The following TBC1D23 variants were observed in gnomAD, a reference collection of about 807,000 sequenced individuals.
TBC1D23 encodes HCV non-structural protein 4A-transactivated protein 1.
In TBC1D23, 55 loss-of-function variants were observed where a neutral mutation model predicts 91.4. The observed-to-expected ratio is 0.60, with a 90% confidence interval of 0.48 to 0.75. The LOEUF (loss-of-function observed/expected upper bound fraction) is 0.75. TBC1D23 is among the 30% of genes least tolerant of loss of function. TBC1D23 has a pLI of 0.00. For synonymous variants in TBC1D23, 289 were observed against 281.0 expected, an observed-to-expected ratio of 1.03 and a Z score of -0.28; for missense variants, 725 against 836.1, an observed-to-expected ratio of 0.87 and a Z score of 1.64.
chr3:100,293,784 A>G (rs751180745), intron 5 of TBC1D23, among the ~76,000 whole-genome samples: 6 of 152,208 alleles, frequency 3.9e-5, no homozygotes, highest in Non-Finnish European at 8.8e-5. Context: ...TTGAGAAAGT[A>G]AAGTAATCCA....
intron 9 of TBC1D23, 52 bp downstream of exon 9, chr3:100,298,097 G>A: frequency 1.3e-6 from 2 of 1,525,310 alleles, no homozygotes; most frequent in South Asian, 1.2e-5. Context: ...TAAATACAAG[G>A]AACCAACTTC....
At position 100,276,120 on chromosome 3, in the gene TBC1D23, C is replaced by T. The variant is rs551161252; in HGVS notation, c.54-3529C>T. Among the ~76,000 whole-genome samples the T allele has an allele frequency of 1.7e-4, 26 of 150,822 alleles. No individual in the cohort carries two copies. In the East Asian group the frequency reaches 4.9e-3, roughly 28 times the overall value. ...AAAAAAAAGGAGATGAACTAAGTCT[C>T]GTTTCTTGTTTTCATGCCCTGTTTG... On this transcript the variant is annotated intron_variant, in intron 1 of 18. Transcript: ENST00000394144.
At chr3:100,313,068 C>A (rs1280801754) in intron 15 of TBC1D23, among the ~76,000 whole-genome samples, 1 of 151,760 alleles carries the variant, frequency 6.6e-6, no homozygotes, top group Non-Finnish European at 1.5e-5. Context: ...AACTTATCTT[C>A]TAAGAGTTTT....
intron 1 of TBC1D23, among the ~76,000 whole-genome samples, chr3:100,273,879 TA>T (rs2148851335): frequency 6.6e-6 from 1 of 152,262 alleles, no homozygotes; most frequent in East Asian, 1.9e-4. Flanking sequence ...GATGGAAGCC[TA>T]AAAACTATGA....
At chr3:100,284,635 G>C (rs538715131) in intron 4 of TBC1D23, among the ~76,000 whole-genome samples, 97 of 152,244 alleles carry the variant, frequency 6.4e-4, no homozygotes, top group Non-Finnish European at 1.3e-3. Context: ...TTTGAGACCA[G>C]ACAGATGTGC....
intron 13 of TBC1D23, among the ~76,000 whole-genome samples, chr3:100,308,530 A>C (rs1321116144): frequency 4.6e-5 from 7 of 152,232 alleles, no homozygotes; most frequent in Non-Finnish European, 1.0e-4. Context: ...ATCATATGTA[A>C]ATAAGAAAAG....
At chr3:100,313,304 G>GTAGA (rs1559814919) in intron 15 of TBC1D23, among the ~76,000 whole-genome samples, 1 of 151,940 alleles carries the variant, frequency 6.6e-6, no homozygotes, top group East Asian at 1.9e-4. Context: ...TGATCCACAG[G>GTAGA]TAGATATATT....
chr3:100,314,398 ACC>A (rs1705693528), intron 15 of TBC1D23, among the ~76,000 whole-genome samples: 1 of 151,878 alleles, frequency 6.6e-6, no homozygotes, highest in South Asian at 2.1e-4. Flanking sequence ...AGCCACTGTA[ACC>A]GGCACAAAAA....
chr3:100,272,522 G>T (rs2148850615), intron 1 of TBC1D23, among the ~76,000 whole-genome samples: 1 of 152,282 alleles, frequency 6.6e-6, no homozygotes, highest in African/African-American at 2.4e-5. Context: ...CTCCACACCT[G>T]TGGGTGTTTC....
At chr3:100,323,299 T>G (rs1436049863) in intron 18 of TBC1D23, among the ~76,000 whole-genome samples, 1 of 152,242 alleles carries the variant, frequency 6.6e-6, no homozygotes, top group Non-Finnish European at 1.5e-5. Flanking sequence ...TTGTGTTTTA[T>G]CTAGCTATTA....
intron 1 of TBC1D23, among the ~76,000 whole-genome samples, chr3:100,272,942 A>G (rs1043268357): frequency 2.0e-5 from 3 of 152,116 alleles, no homozygotes; most frequent in Admixed American, 1.3e-4. Flanking sequence ...GAGACATTCC[A>G]TTGCCCAGGG....
intron 4 of TBC1D23, among the ~76,000 whole-genome samples, chr3:100,290,218 C>G (rs2067777733): frequency 6.6e-6 from 1 of 152,176 alleles, no homozygotes; most frequent in Non-Finnish European, 1.5e-5. Flanking sequence ...TAACCTGAAG[C>G]CTAGTTTCTA....
At chr3:100,304,748 G>A (rs2148866080) in intron 11 of TBC1D23, 98 bp from the exon 12 acceptor site, 1 of 677,130 alleles carries the variant, frequency 1.5e-6, no homozygotes, top group African/African-American at 1.8e-5. Flanking sequence ...GTAATTTAAT[G>A]TATCACTTGG....
chr3:100,301,992 A>T (rs542458812), intron 10 of TBC1D23, 75 bp from the exon 11 acceptor site: 58 of 1,194,990 alleles, frequency 4.9e-5, no homozygotes, highest in African/African-American at 3.5e-4. Flanking sequence ...GGTTTTTCCT[A>T]AAAAAAATTT....
intron 11 of TBC1D23, among the ~76,000 whole-genome samples, chr3:100,303,950 G>T (rs541381784): frequency 6.6e-6 from 1 of 151,996 alleles, no homozygotes; most frequent in South Asian, 2.1e-4. Context: ...TTGAAAAGTA[G>T]GGAGAACTGA....
chr3:100,309,820 A>C (rs1705591538), intron 13 of TBC1D23, among the ~76,000 whole-genome samples: 1 of 146,184 alleles, frequency 6.8e-6, no homozygotes, highest in Non-Finnish European at 1.5e-5. Flanking sequence ...CATGTTGGCC[A>C]GTCTGGTCTT....
intron 5 of TBC1D23, among the ~76,000 whole-genome samples, chr3:100,291,902 A>T (rs141570393): frequency 0.02 from 2,966 of 147,338 alleles, 99 homozygotes; most frequent in Admixed American, 0.082. Context: ...AGTAGCTTGG[A>T]TTACAGGTGC....
chr3:100,299,439 AG>A, intron 10 of TBC1D23, 108 bp downstream of exon 10: 2 of 561,012 alleles, frequency 3.6e-6, no homozygotes, highest in Non-Finnish European at 6.2e-6. Context: ...CTGCTTAAGG[AG>A]GGAGTCTCTG....
chr3:100,322,795 G>T (rs1705883796), intron 18 of TBC1D23, among the ~76,000 whole-genome samples: 1 of 151,524 alleles, frequency 6.6e-6, no homozygotes, highest in Admixed American at 6.6e-5. Context: ...CAGAGTTTTG[G>T]AAGATAGTCT....
Sources: allele counts gnomAD v4.1 joint callset (sites outside exome capture counted in the v4.1 genomes callset), GRCh38; gene constraint gnomAD v4.1.1; transcripts MANE v1.5; gene names NCBI Gene and HGNC (gene_info 2026-07-23, HGNC 2026-07-21).